The following SNTG1 variants were observed in gnomAD, a reference collection of about 807,000 sequenced individuals.
The protein encoded by SNTG1 is gamma-1-syntrophin.
In SNTG1, 39 loss-of-function variants were observed where a neutral mutation model predicts 74.7. That is an observed-to-expected ratio of 0.52 (90% CI 0.40 to 0.68). SNTG1 has a LOEUF of 0.68. SNTG1 is among the 30% of genes least tolerant of loss of function. The pLI is 0.00. For synonymous variants in SNTG1, 254 were observed against 217.1 expected, an observed-to-expected ratio of 1.17 and a Z score of -1.49; for missense variants, 685 against 609.5, an observed-to-expected ratio of 1.12 and a Z score of -1.30.
intron 1 of SNTG1, among the ~76,000 whole-genome samples, chr8:50,066,228 A>T (rs556905032): frequency 6.6e-6 from 1 of 151,988 alleles, no homozygotes; most frequent in Non-Finnish European, 1.5e-5. Flanking sequence ...AAAAAAAAAA[A>T]TTAAGTAAAC....
chr8:50,715,277 T>C (rs1721853767), intron 17 of SNTG1, among the ~76,000 whole-genome samples: 1 of 152,196 alleles, frequency 6.6e-6, no homozygotes, highest in South Asian at 2.1e-4. Flanking sequence ...ATTTGACTCT[T>C]AAACATGGGT....
At chr8:50,333,187 G>A (rs2091025909) in intron 2 of SNTG1, among the ~76,000 whole-genome samples, 1 of 152,188 alleles carries the variant, frequency 6.6e-6, no homozygotes, top group Non-Finnish European at 1.5e-5. Flanking sequence ...GTGTGACTTC[G>A]ATACAATAAC....
intron 8 of SNTG1, among the ~76,000 whole-genome samples, chr8:50,453,351 G>C (rs1458263484): frequency 6.6e-6 from 1 of 152,170 alleles, no homozygotes; most frequent in Non-Finnish European, 1.5e-5. Context: ...CATGGGACCA[G>C]TACGGGAGTG....
intron 2 of SNTG1, among the ~76,000 whole-genome samples, chr8:50,187,075 G>C (rs1305081466): frequency 6.6e-6 from 1 of 151,982 alleles, no homozygotes; most frequent in Non-Finnish European, 1.5e-5. Context: ...TGTAAGGAAG[G>C]GGTCCAGTTT....
chr8:50,406,757 A>G (rs1587503763), intron 4 of SNTG1, among the ~76,000 whole-genome samples: 1 of 152,242 alleles, frequency 6.6e-6, no homozygotes, highest in East Asian at 1.9e-4. Context: ...ATCGAAAGGT[A>G]TTGAAGTTTG....
At chr8:49,910,210 C>T (rs1447038829), upstream of SNTG1, among the ~76,000 whole-genome samples, 1 of 152,152 alleles carries the variant, frequency 6.6e-6, no homozygotes, top group Non-Finnish European at 1.5e-5. Flanking sequence ...CCTGAGAAGT[C>T]GCCGGGGAAG....
intron 17 of SNTG1, among the ~76,000 whole-genome samples, chr8:50,728,238 C>CT (rs1296290330): frequency 3.9e-5 from 6 of 152,164 alleles, no homozygotes; most frequent in African/African-American, 1.4e-4. Context: ...AGATGAAACA[C>CT]TAACTATATA....
intron 1 of SNTG1, among the ~76,000 whole-genome samples, chr8:49,933,289 A>G (rs565734752): frequency 1.3e-5 from 2 of 152,236 alleles, no homozygotes; most frequent in East Asian, 3.9e-4. Context: ...CTTTTTTATT[A>G]TAGCCATCCG....
chr8:50,469,347 C>T (rs1232645411), intron 8 of SNTG1, among the ~76,000 whole-genome samples: 1 of 152,042 alleles, frequency 6.6e-6, no homozygotes, highest in Non-Finnish European at 1.5e-5. Flanking sequence ...ACCCAGTAGT[C>T]TCAGGACTGC....
At chr8:49,988,042 A>T (rs318911) in intron 1 of SNTG1, among the ~76,000 whole-genome samples, 133,796 of 152,104 alleles carry the variant, frequency 0.88, 59,030 homozygotes, top group East Asian at 1. Context: ...ACCATTGATA[A>T]CCCAGGGTGA....
intron 2 of SNTG1, among the ~76,000 whole-genome samples, chr8:50,337,224 C>T (rs770862494): frequency 4.6e-5 from 7 of 152,174 alleles, no homozygotes; most frequent in South Asian, 4.1e-4. Flanking sequence ...AAAACCACCA[C>T]GCCTAAAACT....
At chr8:50,765,591 A>G (rs1298960791) in intron 18 of SNTG1, among the ~76,000 whole-genome samples, 1 of 152,014 alleles carries the variant, frequency 6.6e-6, no homozygotes, top group Non-Finnish European at 1.5e-5. Context: ...AAGTACATCT[A>G]TTCTATCTCC....
chr8:50,518,561 A>C (rs1429996903), intron 9 of SNTG1, among the ~76,000 whole-genome samples: 1 of 152,124 alleles, frequency 6.6e-6, no homozygotes. Flanking sequence ...CACTATCCAG[A>C]CCAAGAAAGA....
intron 1 of SNTG1, among the ~76,000 whole-genome samples, chr8:49,992,347 C>T (rs768165237): frequency 1.8e-4 from 27 of 152,110 alleles, no homozygotes; most frequent in Non-Finnish European, 1.6e-4. Context: ...TGTAGCAGGT[C>T]CACCACCGGG....
In SNTG1 at chr8:50,177,831, A is replaced by G. The variant is rs772206540; in HGVS notation, c.-28+5196A>G. Among the ~76,000 whole-genome samples, 151 of 152,242 alleles carry G rather than the reference A, an allele frequency of 9.9e-4. 2 individuals are homozygous for G. Among genetic ancestry groups the G allele is most frequent in the Non-Finnish European group, 1.3e-3 (91 of 68,024 alleles). On this transcript the variant is annotated intron_variant, in intron 2 of 18. Coordinates refer to ENST00000642720, the MANE Select transcript of SNTG1 (RefSeq NM_018967.5). ...CCATCATTACAGTGTCATGCAGAGG[A>G]GTTTCACCACCCAAAAATATCCCCT... is the stretch of plus-strand genomic sequence containing the variant.
intron 13 of SNTG1, among the ~76,000 whole-genome samples, chr8:50,632,948 A>T (rs1349700324): frequency 1.3e-5 from 2 of 152,192 alleles, no homozygotes; most frequent in Non-Finnish European, 2.9e-5. Flanking sequence ...TAACATATTC[A>T]CTTGCAAAAC....
intron 1 of SNTG1, among the ~76,000 whole-genome samples, chr8:49,921,783 C>T (rs1806569082): frequency 1.3e-5 from 2 of 152,156 alleles, no homozygotes; most frequent in South Asian, 4.2e-4. Flanking sequence ...TTCTCCACCT[C>T]ATTATATATT....
At chr8:50,506,593 T>C (rs1050379892) in intron 9 of SNTG1, among the ~76,000 whole-genome samples, 7 of 152,054 alleles carry the variant, frequency 4.6e-5, no homozygotes, top group Non-Finnish European at 8.8e-5. Flanking sequence ...TTCTTTTTGA[T>C]GCTATTATCA....
At chr8:50,743,080 CAA>C (rs1043632474) in intron 17 of SNTG1, among the ~76,000 whole-genome samples, 2 of 142,742 alleles carry the variant, frequency 1.4e-5, no homozygotes, top group Non-Finnish European at 3.1e-5. Flanking sequence ...TTAAAAAAAT[CAA>C]AGTTATTCTC....
Sources: gnomAD v4.1 joint callset for allele counts (sites outside exome capture counted in the v4.1 genomes callset) on GRCh38, gnomAD v4.1.1 for gene constraint, MANE v1.5 for transcripts, NCBI Gene and HGNC (gene_info 2026-07-23, HGNC 2026-07-21) for gene names.